MAX: variants seen among roughly 807,000 people sequenced by gnomAD.
MAX encodes the protein protein max.
A neutral mutation model predicts 22.3 loss-of-function variants in MAX; 3 were observed. That is an observed-to-expected ratio of 0.13 (90% CI 0.06 to 0.35). The LOEUF is 0.35. Among genes scored for constraint, MAX ranks in the 10% least tolerant of loss-of-function variants. The pLI, the probability that MAX is intolerant of heterozygous loss-of-function variation, is 1.00. For missense variants in MAX, 119 were observed against 209.4 expected, an observed-to-expected ratio of 0.57 and a Z score of 2.66; for synonymous variants, 72 against 77.7, an observed-to-expected ratio of 0.93 and a Z score of 0.39.
chr14:65,086,610 A>G (rs1011711580), intron 3 of MAX, among the ~76,000 whole-genome samples: 3 of 152,208 alleles, frequency 2.0e-5, no homozygotes. Flanking sequence ...GAGATGATTT[A>G]GGGTATCTGG....
At chr14:65,058,195 TTTTTC>T (rs1159871554) in intron 3 of MAX, among the ~76,000 whole-genome samples, 8 of 148,188 alleles carry the variant, frequency 5.4e-5, no homozygotes, top group South Asian at 2.2e-4. Context: ...ATGAACATAA[TTTTTC>T]TTTTCTTTAA....
chr14:65,015,090 C>CT lies in MAX; in HGVS notation c.172-8807dup, dbSNP rs372991110. Among the ~76,000 whole-genome samples, 1,020 of 149,512 alleles carry CT rather than the reference C, an allele frequency of 6.8e-3. 12 individuals are homozygous for CT. The highest frequency in any genetic ancestry group is 0.023 in the African/African-American group (938 of 40,004). ...GTCATCTTTTTTTTAATCCTGTTGT[C>CT]TTTTTTTTCTTTTCTTTCTTTTTTT... On this transcript the variant is annotated intron_variant, in intron 3 of 3. Transcript: ENST00000341653.
chr14:65,015,108 C>CT (rs113319981), intron 3 of MAX, among the ~76,000 whole-genome samples: 155 of 144,238 alleles, frequency 1.1e-3, no homozygotes, highest in South Asian at 2.4e-3. Flanking sequence ...TCTTTTCTTT[C>CT]TTTTTTTTTT....
At chr14:65,049,149 G>T (rs1004198064) in intron 3 of MAX, among the ~76,000 whole-genome samples, 1 of 149,044 alleles carries the variant, frequency 6.7e-6, no homozygotes. Flanking sequence ...AAAGGCTTAA[G>T]AAATCTCAAG....
intron 3 of MAX, among the ~76,000 whole-genome samples, chr14:65,017,480 A>G (rs1023717112): frequency 2.0e-5 from 3 of 152,076 alleles, no homozygotes; most frequent in Non-Finnish European, 4.4e-5. Flanking sequence ...CTCGAGCCAA[A>G]ATCGACTGAG....
rs552400963 is a variant in MAX at position 65,006,460 on chromosome 14, G to A, written c.172-176C>T. Among the ~76,000 whole-genome samples the A allele has an allele frequency of 1.4e-3, 206 of 152,338 alleles. 2 individuals are homozygous for A. The highest frequency in any genetic ancestry group is 4.5e-3 in the African/African-American group (186 of 41,572). On this transcript the variant is annotated intron_variant, in intron 3 of 3. Transcript: ENST00000341653. ...CGCCATTTATTTAAATAGCTTGGGA[G>A]AACGAGCTCTCTTAAATGTAATGGT... is the stretch of plus-strand genomic sequence containing the variant.
downstream of MAX, among the ~76,000 whole-genome samples, chr14:65,072,731 CA>C (rs955141312): frequency 2.6e-5 from 4 of 152,208 alleles, no homozygotes; most frequent in Non-Finnish European, 5.9e-5. Flanking sequence ...CCTGGGCCTC[CA>C]AAAGTGTCCA....
chr14:65,033,854 C>A (rs1051310394), intron 3 of MAX, among the ~76,000 whole-genome samples: 1 of 151,942 alleles, frequency 6.6e-6, no homozygotes, highest in Admixed American at 6.6e-5. Flanking sequence ...GAGACTCCAT[C>A]TCAAAAAAAG....
chr14:65,061,294 A>G lies in MAX; in HGVS notation c.171+32414T>C. On this transcript the variant is annotated intron_variant, in intron 3 of 3. Transcript: ENST00000341653. ...AGGAGCTTAAGGATGAGACATCGGCAGAGCCTGCAACCGACTAGAGGACCT... is the reference window on the plus strand; with the variant it reads ...AGGAGCTTAAGGATGAGACATCGGCGGAGCCTGCAACCGACTAGAGGACCT... The G allele has an allele frequency of 1.2e-6, 2 of 1,614,010 alleles. 1 individual carries two copies. Among genetic ancestry groups the G allele is most frequent in the Middle Eastern group, 3.4e-4 (2 of 5,930 alleles).
At chr14:65,095,438 CT>C (rs2063635773) in intron 2 of MAX, among the ~76,000 whole-genome samples, 1 of 152,198 alleles carries the variant, frequency 6.6e-6, no homozygotes, top group South Asian at 2.1e-4. Flanking sequence ...GAGGTAGGTA[CT>C]CTGTATCATA....
At position 65,032,743 on chromosome 14, in the gene MAX, C is replaced by A; in HGVS notation, c.172-26459G>T. ...CCTGGCCTCTTGGAGAGCAGGCGGT[C>A]ACGACACTACTTCAGAAAAATAAAG... On this transcript the variant is annotated intron_variant, in intron 3 of 3. Transcript: ENST00000341653. This position sits in a 1 kb window ranked among gnomAD's most constrained non-coding sequence, Gnocchi z 5.0. The A allele has an allele frequency of 1.3e-6, 2 of 1,567,994 alleles. No individual in the cohort carries two copies. The highest frequency in any genetic ancestry group is 1.2e-5 in the South Asian group (1 of 86,146).
At chr14:65,102,086 G>A (rs2139972721) in intron 1 of MAX, among the ~76,000 whole-genome samples, 1 of 152,298 alleles carries the variant, frequency 6.6e-6, no homozygotes, top group South Asian at 2.1e-4. Flanking sequence ...GGTCCCAGAA[G>A]CCGCGTGTCT....
rs973369391 is a variant in MAX at position 65,007,082 on chromosome 14, A to G, written c.172-798T>C. Among the ~76,000 whole-genome samples, 7 of 152,242 alleles carry G rather than the reference A, an allele frequency of 4.6e-5. No homozygotes were observed. The highest frequency in any genetic ancestry group is 1.7e-4 in the African/African-American group (7 of 41,458). ...AAATTGAGTGTTTTAAAGGATGCTA[A>G]TTAATATTGGAGATACTATACATTT... On this transcript the variant is annotated intron_variant, in intron 3 of 3. Coordinates refer to the MAX transcript ENST00000341653. This position sits in a 1 kb window ranked among gnomAD's most constrained non-coding sequence, Gnocchi z 4.9.
At chr14:65,020,199 C>T (rs978237754) in intron 3 of MAX, among the ~76,000 whole-genome samples, 7 of 152,200 alleles carry the variant, frequency 4.6e-5, no homozygotes, top group Admixed American at 4.6e-4. Context: ...CTGCTATGAC[C>T]GCTGACCAAA....
At chr14:65,019,078 C>G (rs948530653) in intron 3 of MAX, among the ~76,000 whole-genome samples, 2 of 152,206 alleles carry the variant, frequency 1.3e-5, no homozygotes, top group Non-Finnish European at 2.9e-5. Context: ...GAGGCTGAGG[C>G]AGGAGACTCG....
chr14:65,040,557 T>C (rs1266904249), intron 3 of MAX, among the ~76,000 whole-genome samples: 2 of 151,226 alleles, frequency 1.3e-5, no homozygotes, highest in Non-Finnish European at 2.9e-5. Context: ...CTTCTTGCCT[T>C]AGTCTCCTGA....
chr14:65,089,572 T>C (rs559107893), intron 3 of MAX, among the ~76,000 whole-genome samples: 1 of 151,974 alleles, frequency 6.6e-6, no homozygotes, highest in African/African-American at 2.4e-5. Context: ...ATAATCATTC[T>C]GGCTCAGGTA....
chr14:65,043,366 A>G (rs2062395015), intron 3 of MAX, among the ~76,000 whole-genome samples: 1 of 152,224 alleles, frequency 6.6e-6, no homozygotes, highest in Non-Finnish European at 1.5e-5. Flanking sequence ...GCTTCAAAGT[A>G]AAAGATTTTC....
Position 65,044,624 on chromosome 14 carries a change from A to G in MAX, c.172-38340T>C. ...CGAATGCAGAGTAAGATTTAGTTTC[A>G]TTGGTTTAGTGTCATTCTTTGCTTC... On this transcript the variant is annotated intron_variant, in intron 3 of 3. Transcript: ENST00000341653. The surrounding 1 kb of genome is among the most constrained non-coding windows in gnomAD (Gnocchi z 5.5). The G allele has an allele frequency of 1.1e-6, 1 of 919,558 alleles. No individual in the cohort carries two copies. Among genetic ancestry groups the G allele is most frequent in the Non-Finnish European group, 1.5e-6 (1 of 654,390 alleles). The allele number at this position is 919,558 out of a possible 1,614,324, so 57.0% of individuals were successfully genotyped here. A position where few individuals can be genotyped will look rare whatever the true frequency, so the allele number is the denominator to read the frequency against.
Sources: allele counts gnomAD v4.1 joint callset (sites outside exome capture counted in the v4.1 genomes callset), GRCh38; gene constraint gnomAD v4.1.1; non-coding constraint Gnocchi (gnomAD v3.1); transcripts MANE v1.5; gene names NCBI Gene and HGNC (gene_info 2026-07-23, HGNC 2026-07-21).